CGN: variants seen among roughly 807,000 people sequenced by gnomAD.
CGN encodes the protein cingulin.
CGN carries 121 observed loss-of-function variants against 157.1 expected under a neutral mutation model. The ratio of observed to expected loss-of-function variants is 0.77; its 90% confidence interval spans 0.66 to 0.90. CGN has a LOEUF of 0.90. CGN is among the 40% of genes least tolerant of loss of function. The probability of loss-of-function intolerance (pLI) is 0.00; values close to 1 mark genes in which losing one functional copy is unlikely to be tolerated. For synonymous variants in CGN, 535 were observed against 607.5 expected (o/e 0.88, Z 1.76); for missense variants, 1,424 against 1,520.9 (o/e 0.94, Z 1.06).
chr1:151,530,676 G>C lies in CGN; in HGVS notation c.2501G>C (p.Arg834Pro). The C allele has an allele frequency of 1.3e-6, 2 of 1,563,976 alleles. No homozygotes were observed. Among genetic ancestry groups the C allele is most frequent in the South Asian group, 1.2e-5 (1 of 85,680 alleles). ...EEEGKQREVL[R>P]RGKAELEEQK... ...GAAGGGAAGCAGCGGGAGGTGCTCC[G>C]GCGAGGCAAGGCTGAGCTGGAGGAG... The change falls in exon 13 of 21, where the codon CGG (arginine) becomes CCG (proline). Residue 834 changes from arginine (R) to proline (P), a missense_variant. This residue lies in a region of CGN where 1,187 missense variants were observed against 1,217.6 expected (regional missense o/e 0.97). Transcript: ENST00000271636.
rs1171887341 is a variant in CGN at position 151,530,594 on chromosome 1, C to CG, written c.2424dup (p.Leu809AlafsTer31). The CG allele has an allele frequency of 5.0e-6, 8 of 1,610,788 alleles. No homozygotes were observed. Among genetic ancestry groups the CG allele is most frequent in the Non-Finnish European group, 6.8e-6 (8 of 1,178,570 alleles). Reference sequence around the variant, plus strand: ...GGAGGCACGCCTAGAGGAGGCTCAGCGGGGGCTGGCCCGCCTGGGGCAGGA... The same window carrying CG: ...GGAGGCACGCCTAGAGGAGGCTCAGCGGGGGGCTGGCCCGCCTGGGGCAGGA... On this transcript the variant is annotated frameshift_variant, in exon 13 of 21. Transcript: ENST00000271636. LOFTEE classifies it high-confidence loss of function.
chr1:151,519,503 ACTCT>A (rs1339678346), intron 2 of CGN, 111 bp downstream of exon 2: 44 of 969,964 alleles, frequency 4.5e-5, no homozygotes, highest in Non-Finnish European at 6.2e-5. Flanking sequence ...CTAGGCAGAA[ACTCT>A]CTGCCTTTTG....
chr1:151,532,676 G>T (rs931402485), intron 14 of CGN, 104 bp downstream of exon 14: 1 of 946,002 alleles, frequency 1.1e-6, no homozygotes, highest in Admixed American at 4.5e-5. Context: ...CTGGAGTTCA[G>T]TGGCGCGATC....
At chr1:151,536,437 G>T in intron 19 of CGN, 92 bp downstream of exon 19, 1 of 734,030 alleles carries the variant, frequency 1.4e-6, no homozygotes, top group Admixed American at 2.4e-5. Context: ...ATCTCCTATA[G>T]GTCCTCCAAA....
intron 13 of CGN, 45 bp downstream of exon 13, chr1:151,530,791 A>C (rs777815714): frequency 7.1e-6 from 11 of 1,546,012 alleles, no homozygotes; most frequent in African/African-American, 1.4e-5. Context: ...GGCCCAGCTC[A>C]TCCAGAAGCT....
chr1:151,518,599 T>C lies in CGN; in HGVS notation c.80T>C (p.Val27Ala). Reference sequence around the variant, plus strand: ...CAGATTCGCTTCATCACAGAGCCAGTGAGTGGTGCAGAGATGGGCACTCTA... The same window carrying C: ...CAGATTCGCTTCATCACAGAGCCAGCGAGTGGTGCAGAGATGGGCACTCTA... ...GVQIRFITEP[V>A]SGAEMGTLRR... Residue 27 changes from valine (V) to alanine (A), a missense_variant, in exon 2 of 21, where the codon GTG becomes GCG. Coordinates refer to ENST00000271636, the MANE Select transcript of CGN (RefSeq NM_020770.3). 2.5e-6 allele frequency: 4 copies of C among 1,614,024 alleles called. No homozygotes were observed. The highest frequency in any genetic ancestry group is 3.4e-6 in the Non-Finnish European group (4 of 1,179,974).
At position 151,527,959 on chromosome 1, in the gene CGN, T is replaced by A. The variant is rs1188965684; in HGVS notation, c.1896+852T>A. On this transcript the variant is annotated intron_variant, in intron 10 of 20. Transcript: ENST00000271636. ...CTATATATATATATATATTTTTTTT[T>A]TTTTTTTTTTTTTTGAGACGGAGTC... is the stretch of plus-strand genomic sequence containing the variant. The A allele has an allele frequency of 2.5e-4, 39 of 155,120 alleles. 3 individuals are homozygous for A. The highest frequency in any genetic ancestry group is 2.4e-3 in the Admixed American group (31 of 12,948). The allele number at this position is 155,120 out of a possible 1,614,324, so 9.6% of individuals were successfully genotyped here.
intron 8 of CGN, among the ~76,000 whole-genome samples, chr1:151,525,370 C>G (rs10749664): frequency 0.97 from 147,164 of 152,210 alleles, 71,359 homozygotes; most frequent in East Asian, 1. Flanking sequence ...TTGCACTTCA[C>G]CCTGGGCAAC....
rs550841031 is a variant in CGN at position 151,511,951 on chromosome 1, C to T, written c.-15+436C>T. Among the ~76,000 whole-genome samples, 1 of 152,150 alleles carries T rather than the reference C, an allele frequency of 6.6e-6. No homozygotes were observed. Among genetic ancestry groups the T allele is most frequent in the African/African-American group, 2.4e-5 (1 of 41,436 alleles). On this transcript the variant is annotated intron_variant, in intron 1 of 20. Coordinates refer to ENST00000271636, the MANE Select transcript of CGN (RefSeq NM_020770.3). The surrounding 1 kb of genome is among the most constrained non-coding windows in gnomAD (Gnocchi z 4.8). ...CTGCAGGTGCTGCTCGCCTGAGGGT[C>T]TTTCCTGCGTCCTGCGGTCTCAGCT...
intron 13 of CGN, among the ~76,000 whole-genome samples, chr1:151,531,958 C>T (rs1025649636): frequency 6.6e-6 from 1 of 151,328 alleles, no homozygotes; most frequent in African/African-American, 2.4e-5. Context: ...TGTCTTATAC[C>T]TTATGGTATG....
At position 151,516,817 on chromosome 1, in the gene CGN, C is replaced by T. The variant is rs565723179; in HGVS notation, c.-14-1689C>T. The stretch of plus-strand genomic sequence containing the variant: ...TTGGCCTCTGAAAATGCTGGGATTA[C>T]AGGCGTGAGCCACCATGCCCGGCCG... On this transcript the variant is annotated intron_variant, in intron 1 of 20. Coordinates refer to ENST00000271636, the MANE Select transcript of CGN (RefSeq NM_020770.3). Among the ~76,000 whole-genome samples, 37 of 150,332 alleles carry T rather than the reference C, an allele frequency of 2.5e-4. 1 individual carries two copies. Among genetic ancestry groups the T allele is most frequent in the African/African-American group, 8.3e-4 (34 of 41,104 alleles).
chr1:151,519,004 A>C lies in CGN; in HGVS notation c.485A>C (p.Lys162Thr). 1 of 1,614,174 alleles carries C rather than the reference A, an allele frequency of 6.2e-7. No homozygotes were observed. Among genetic ancestry groups the C allele is most frequent in the Non-Finnish European group, 8.5e-7 (1 of 1,180,036 alleles). ...AACAGCATGCTGGAGCTAGCCCCGAAAGTGGCTTCCCCAGGTAGCACCATT... is the reference window on the plus strand; with the variant it reads ...AACAGCATGCTGGAGCTAGCCCCGACAGTGGCTTCCCCAGGTAGCACCATT... ...RSNSMLELAP[K>T]VASPGSTIDT... Residue 162 changes from lysine (K) to threonine (T), a missense_variant, in exon 2 of 21, where the codon AAA becomes ACA. Physicochemically the swap from Lys to Thr is moderately conservative, Grantham distance 78. Around this residue, in one of 3 missense-constraint regions of CGN, gnomAD observed 1,187 missense variants for 1,217.6 expected, o/e 0.97. Coordinates refer to ENST00000271636, the MANE Select transcript of CGN (RefSeq NM_020770.3).
At chr1:151,512,910 G>A (rs1166154968) in intron 1 of CGN, among the ~76,000 whole-genome samples, 2 of 152,226 alleles carry the variant, frequency 1.3e-5, no homozygotes, top group African/African-American at 4.8e-5. Flanking sequence ...CTTGTGGGAG[G>A]TGATGGGGGT....
At position 151,532,434 on chromosome 1, in the gene CGN, C is replaced by A; in HGVS notation, c.2604C>A (p.Ala868=). Reference sequence around the variant, plus strand: ...AGATCGGGGAGGACTCTAAGCAAGCCCTGCAGCAGCTCCAGGCCCAGCTGG... The same window carrying A: ...AGATCGGGGAGGACTCTAAGCAAGCACTGCAGCAGCTCCAGGCCCAGCTGG... ...LEKIGEDSKQ[A]LQQLQAQLED... is the part of the protein sequence containing the mutation. Residue 868 remains alanine (A), a synonymous_variant, in exon 14 of 21, where the codon GCC becomes GCA. Transcript: ENST00000271636. 1.9e-6 allele frequency: 3 copies of A among 1,592,494 alleles called. No individual in the cohort carries two copies. Among genetic ancestry groups the A allele is most frequent in the Non-Finnish European group, 2.6e-6 (3 of 1,172,312 alleles).
At chr1:151,512,889 A>G (rs1320681556) in intron 1 of CGN, among the ~76,000 whole-genome samples, 1 of 152,188 alleles carries the variant, frequency 6.6e-6, no homozygotes, top group African/African-American at 2.4e-5. Context: ...GCTGGCCTGC[A>G]TGCCATTCCC....
rs201558170 is a variant in CGN, at chr1:151,532,420, G to C, written c.2590G>C (p.Asp864His). 1.1e-4 allele frequency: 179 copies of C among 1,576,752 alleles called. 1 individual carries two copies. In the South Asian group the frequency reaches 2.0e-3, roughly 17 times the overall value. ...GTTTCAGTTGGAGAAGATCGGGGAGGACTCTAAGCAAGCCCTGCAGCAGCT... is the reference window on the plus strand; with the variant it reads ...GTTTCAGTTGGAGAAGATCGGGGAGCACTCTAAGCAAGCCCTGCAGCAGCT... Reference protein sequence around the residue: ...LNKELEKIGEDSKQALQQLQA... With the variant: ...LNKELEKIGEHSKQALQQLQA... Residue 864 changes from aspartate to histidine, a missense_variant, in exon 14 of 21, where the codon GAC (aspartate) becomes CAC (histidine). Asp to His is a moderately conservative substitution (Grantham distance 81). This residue lies in a region of CGN where 1,187 missense variants were observed against 1,217.6 expected (regional missense o/e 0.97). Transcript: ENST00000271636.
At chr1:151,515,899 C>T (rs1664399310) in intron 1 of CGN, among the ~76,000 whole-genome samples, 1 of 152,200 alleles carries the variant, frequency 6.6e-6, no homozygotes, top group South Asian at 2.1e-4. Context: ...ACTACTTTAC[C>T]TGTCTGCCTT....
At chr1:151,529,057 A>T (rs922204349) in intron 10 of CGN, among the ~76,000 whole-genome samples, 1 of 152,186 alleles carries the variant, frequency 6.6e-6, no homozygotes, top group South Asian at 2.1e-4. Context: ...ATTCGTGGAC[A>T]TCTGGGTTGT....
intron 11 of CGN, 38 bp from the exon 12 acceptor site, chr1:151,529,871 C>T (rs768353363): frequency 6.3e-7 from 1 of 1,590,136 alleles, no homozygotes; most frequent in South Asian, 1.1e-5. Flanking sequence ...GCTGCCACGC[C>T]CTGGGGTCTG....
Sources: gnomAD v4.1 joint callset for allele counts (sites outside exome capture counted in the v4.1 genomes callset) on GRCh38, gnomAD v4.1.1 for gene constraint, gnomAD v4.1.1 regional missense constraint, Gnocchi (gnomAD v3.1) non-coding constraint, MANE v1.5 for transcripts, NCBI Gene and HGNC (gene_info 2026-07-23, HGNC 2026-07-21) for gene names.